APOL4: variants seen among roughly 807,000 people sequenced by gnomAD.
APOL4 encodes apolipoprotein L, 4.
APOL4 carries 14 observed loss-of-function variants against 12.1 expected under a neutral mutation model. The ratio of observed to expected loss-of-function variants is 1.16; its 90% CI spans 0.76 to 1.81. The LOEUF (loss-of-function observed/expected upper bound fraction) is 1.81, where lower values mean the gene tolerates loss of function less well. APOL4 is among the 40% of genes most tolerant of loss of function. APOL4 has a pLI of 0.00. For synonymous variants in APOL4, 171 were observed against 160.6 expected, an observed-to-expected ratio of 1.06 and a Z score of -0.49; for missense variants, 432 against 423.1, an observed-to-expected ratio of 1.02 and a Z score of -0.18.
upstream of APOL4, chr22:36,202,225 A>G (rs1603478707): frequency 1.2e-6 from 1 of 844,814 alleles, no homozygotes; most frequent in Non-Finnish European, 1.9e-6. Flanking sequence ...TCCTCCTTCA[A>G]CCTTCTGAGT....
At chr22:36,204,291 A>G (rs888756346), upstream of APOL4, among the ~76,000 whole-genome samples, 1 of 152,092 alleles carries the variant, frequency 6.6e-6, no homozygotes, top group Non-Finnish European at 1.5e-5. Flanking sequence ...ATTCCTTCAA[A>G]TTTCCCAAAG....
At chr22:36,203,326 G>C (rs1158997998), upstream of APOL4, among the ~76,000 whole-genome samples, 1 of 152,210 alleles carries the variant, frequency 6.6e-6, no homozygotes, top group Non-Finnish European at 1.5e-5. Flanking sequence ...GTTTAGTGAG[G>C]GCGGGGGTAG....
intron 1 of APOL4, among the ~76,000 whole-genome samples, chr22:36,200,494 G>C (rs970364149): frequency 4.6e-5 from 7 of 152,224 alleles, no homozygotes; most frequent in African/African-American, 1.7e-4. Context: ...CCTAGCCCCT[G>C]CTGTGGCTGC....
At position 36,195,212 on chromosome 22, in the gene APOL4, G is replaced by A. The variant is rs879125692; in HGVS notation, c.209+99C>T. The A allele has an allele frequency of 1.4e-5, 21 of 1,457,536 alleles. No homozygotes were observed. The South Asian group carries it at 2.5e-4, about 18-fold the overall frequency. The allele number at this position is 1,457,536 out of a possible 1,614,324, so 90.3% of individuals were successfully genotyped here. A position where few individuals can be genotyped will look rare whatever the true frequency, so the allele number is the denominator to read the frequency against. On this transcript the variant is annotated intron_variant, in intron 3 of 3. Coordinates refer to ENST00000683024, the MANE Select transcript of APOL4 (RefSeq NM_001386885.1). ...GGACATCCTCAAGCCCAGCAGAGGG[G>A]GCTGCCTGGAGGAGGTGTGCCTGCC...
intron 2 of APOL4, chr22:36,197,666 T>A: frequency 6.5e-7 from 1 of 1,549,856 alleles, no homozygotes; most frequent in Non-Finnish European, 8.7e-7. Flanking sequence ...CAGCTTAACC[T>A]CGGCCAGTCA....
chr22:36,191,745 A>G lies in APOL4; in HGVS notation c.377T>C (p.Ile126Thr). Residue 126 changes from isoleucine to threonine, a missense_variant, in exon 4 of 4, where the codon ATT becomes ACT. Ile to Thr is a moderately conservative substitution (Grantham distance 89). Coordinates refer to ENST00000683024, the MANE Select transcript of APOL4 (RefSeq NM_001386885.1). Reference protein sequence around the residue: ...IQESIERLRVIANEIEKVHRG... With the variant: ...IQESIERLRVTANEIEKVHRG... ...GTGGACCTTTTCAATCTCATTTGCAATGACACGAAGCCTTTCTATGGACTC... is the reference window on the plus strand; with the variant it reads ...GTGGACCTTTTCAATCTCATTTGCAGTGACACGAAGCCTTTCTATGGACTC... 4 of 1,614,046 alleles carry G rather than the reference A, an allele frequency of 2.5e-6. No individual in the cohort carries two copies. The highest frequency in any genetic ancestry group is 3.4e-6 in the Non-Finnish European group (4 of 1,179,892).
chr22:36,192,676 G>A (rs528569197), intron 3 of APOL4, among the ~76,000 whole-genome samples: 4 of 152,306 alleles, frequency 2.6e-5, no homozygotes, highest in African/African-American at 9.6e-5. Flanking sequence ...GGGATCTCTG[G>A]GGCCCTGGAA....
chr22:36,196,321 A>G (rs1160655513), intron 2 of APOL4, among the ~76,000 whole-genome samples: 1 of 152,208 alleles, frequency 6.6e-6, no homozygotes, highest in African/African-American at 2.4e-5. Flanking sequence ...TACTTGAAAT[A>G]TACCTATAGA....
At chr22:36,199,538 T>C in intron 1 of APOL4, 162 bp from the exon 2 acceptor site, 1 of 1,589,554 alleles carries the variant, frequency 6.3e-7, no homozygotes, top group South Asian at 1.1e-5. Context: ...CATCATCTGC[T>C]ATTTACAGAC....
chr22:36,197,814 G>A, intron 2 of APOL4: 6 of 1,549,466 alleles, frequency 3.9e-6, no homozygotes, highest in Non-Finnish European at 5.2e-6. Flanking sequence ...CAGGGGGAGG[G>A]GATGGGCCCA....
chr22:36,200,383 C>T (rs1475899076), intron 1 of APOL4, among the ~76,000 whole-genome samples: 2 of 152,208 alleles, frequency 1.3e-5, no homozygotes, highest in East Asian at 3.9e-4. Context: ...CTCAACTTTT[C>T]GTCTTGGTGA....
intron 2 of APOL4, among the ~76,000 whole-genome samples, chr22:36,196,068 C>A (rs893893700): frequency 2.0e-5 from 3 of 152,204 alleles, no homozygotes; most frequent in African/African-American, 7.2e-5. Flanking sequence ...CTGAGAATCA[C>A]CAGAAAGTGA....
At chr22:36,198,507 C>T (rs1191248011) in intron 2 of APOL4, among the ~76,000 whole-genome samples, 4 of 152,168 alleles carry the variant, frequency 2.6e-5, no homozygotes, top group African/African-American at 4.8e-5. Flanking sequence ...GGGGTACTTT[C>T]GATGATTGGA....
chr22:36,203,286 T>A (rs1603478789), upstream of APOL4, among the ~76,000 whole-genome samples: 1 of 152,298 alleles, frequency 6.6e-6, no homozygotes, highest in African/African-American at 2.4e-5. Flanking sequence ...TGGTCAACAA[T>A]GCACTGGATA....
At chr22:36,200,293 T>G (rs569429547) in intron 1 of APOL4, among the ~76,000 whole-genome samples, 1 of 152,344 alleles carries the variant, frequency 6.6e-6, no homozygotes, top group Admixed American at 6.5e-5. Context: ...CTCTACTCCC[T>G]TAAATATACA....
intron 2 of APOL4, among the ~76,000 whole-genome samples, chr22:36,198,426 T>C (rs969860868): frequency 6.6e-6 from 1 of 152,250 alleles, no homozygotes; most frequent in African/African-American, 2.4e-5. Flanking sequence ...TCCTCCAGTT[T>C]GGTTTTCTCT....
chr22:36,192,086 A>AT (rs1444789452), intron 3 of APOL4, among the ~76,000 whole-genome samples, 174 bp from the exon 4 acceptor site: 1 of 152,220 alleles, frequency 6.6e-6, no homozygotes, highest in Non-Finnish European at 1.5e-5. Context: ...CATGCTTGTA[A>AT]TCCCAGCACT....
upstream of APOL4, among the ~76,000 whole-genome samples, chr22:36,202,528 C>A (rs2014613928): frequency 6.6e-6 from 1 of 152,120 alleles, no homozygotes; most frequent in Admixed American, 6.5e-5. Context: ...GAGATGGAGA[C>A]CATCCTGGCT....
intron 3 of APOL4, among the ~76,000 whole-genome samples, chr22:36,192,146 C>T (rs528052431): frequency 2.0e-5 from 3 of 152,250 alleles, no homozygotes; most frequent in African/African-American, 7.2e-5. Flanking sequence ...CGAGACCATC[C>T]TAGCTAACAC....
Sources: allele counts gnomAD v4.1 joint callset (sites outside exome capture counted in the v4.1 genomes callset), GRCh38; gene constraint gnomAD v4.1.1; transcripts MANE v1.5; gene names NCBI Gene and HGNC (gene_info 2026-07-23, HGNC 2026-07-21).